ZNF692: variants seen among roughly 807,000 people sequenced by gnomAD.
The protein encoded by ZNF692 is zinc finger protein 692, also known as AICAR responsive element binding protein.
ZNF692 carries 41 observed loss-of-function variants against 49.0 expected under a neutral mutation model. That is an observed-to-expected ratio of 0.84 (90% confidence interval 0.65 to 1.08). ZNF692 has a LOEUF of 1.08. Ranked by LOEUF, ZNF692 falls within the 50% of genes least tolerant of loss-of-function variation. The pLI is 0.00. For missense variants in ZNF692, 662 were observed against 662.2 expected (o/e 1.00, Z 0.00); for synonymous variants, 288 against 251.5 (o/e 1.15, Z -1.37).
chr1:248,856,017 C>T, intron 6 of ZNF692, 71 bp from the exon 7 acceptor site: 1 of 1,483,050 alleles, frequency 6.7e-7, no homozygotes, highest in African/African-American at 1.4e-5. Flanking sequence ...CCGACCCTAG[C>T]CCCTAAACTG....
intron 4 of ZNF692, 57 bp from the exon 5 acceptor site, chr1:248,856,619 C>T (rs1179792847): frequency 2.6e-5 from 41 of 1,606,110 alleles, no homozygotes; most frequent in Non-Finnish European, 3.5e-5. Context: ...GATGAGGACA[C>T]ATAAAGTTCT....
Position 248,859,017 on chromosome 1 carries a change from C to A in ZNF692, c.-112G>T, listed in dbSNP as rs1660596424. 6.4e-6 allele frequency: 1 copy of A among 157,034 alleles called. No individual in the cohort carries two copies. Among genetic ancestry groups the A allele is most frequent in the African/African-American group, 2.4e-5 (1 of 41,552 alleles). 9.7% of individuals were successfully genotyped at this position (157,034 alleles called of 1,614,324 possible). ...GCTGCTGGAAGACAGGGGCCCACCT[C>A]GCGCGCGCAGCGTTTCTCTTTTAAG... is the stretch of plus-strand genomic sequence containing the variant. On this transcript the variant is annotated 5_prime_UTR_variant, in exon 1 of 12. Transcript: ENST00000306601.
chr1:248,853,009 C>G (rs1659778849), intron 10 of ZNF692, among the ~76,000 whole-genome samples: 2 of 152,222 alleles, frequency 1.3e-5, no homozygotes, highest in Admixed American at 6.5e-5. Flanking sequence ...AATCAAATTT[C>G]CCTTCCCAAG....
Position 248,858,401 on chromosome 1 carries a change from C to CA in ZNF692, c.-12-81dup, listed in dbSNP as rs1419999168. On this transcript the variant is annotated intron_variant, in intron 1 of 11. Transcript: ENST00000306601. The surrounding 1 kb of genome is among the most constrained non-coding windows in gnomAD (Gnocchi z 4.3). ...CCGGCTCCACCTGCCGTTAGGGCCT[C>CA]AGTTTCCTCATCAGTGAACTGGGGC... 21 of 1,544,630 alleles carry CA rather than the reference C, an allele frequency of 1.4e-5. No individual in the cohort carries two copies. The Admixed American group carries it at 4.1e-4, about 30-fold the overall frequency.
chr1:248,858,049 G>C lies in ZNF692; in HGVS notation c.179+82C>G, dbSNP rs763689222. ...AAGTGAGAAACCTGAGGGTGGAAAA[G>C]AGCAGCAGGACAGGCCCTGGAGAGG... On this transcript the variant is annotated intron_variant, in intron 2 of 11. Coordinates refer to ENST00000306601, the MANE Select transcript of ZNF692 (RefSeq NM_017865.4). The surrounding 1 kb of genome is among the most constrained non-coding windows in gnomAD (Gnocchi z 4.3). 6.4e-7 allele frequency: 1 copy of C among 1,550,468 alleles called. No individual in the cohort carries two copies. The highest frequency in any genetic ancestry group is 8.7e-7 in the Non-Finnish European group (1 of 1,153,912).
At position 248,856,528 on chromosome 1, in the gene ZNF692, C is replaced by T; in HGVS notation, c.510G>A (p.Glu170=). 1.2e-6 allele frequency: 2 copies of T among 1,614,150 alleles called. No individual in the cohort carries two copies. The highest frequency in any genetic ancestry group is 1.3e-5 in the African/African-American group (1 of 75,044). The change falls in exon 5 of 12, where the codon GAG becomes GAA. Residue 170 remains glutamate, a synonymous_variant. Coordinates refer to ENST00000306601, the MANE Select transcript of ZNF692 (RefSeq NM_017865.4). ...LESEHDERTQ[E]ARLPRRVGPP... is the part of the protein sequence containing the mutation. ...CACATCCTCACCTGGGCAACCTGGC[C>T]TCTTGAGTCCTCTCATCATGCTCAG...
At position 248,857,511 on chromosome 1, in the gene ZNF692, G is replaced by T. The variant is rs769205136; in HGVS notation, c.212-14C>A. The T allele has an allele frequency of 6.2e-7, 1 of 1,606,460 alleles. No individual in the cohort carries two copies. The highest frequency in any genetic ancestry group is 1.1e-5 in the South Asian group (1 of 90,434). ...AAGGCTCAGGACCTGGAGGGGTGGGGGAAGCAGTCAGGCTGAACTGGGAAG... is the reference window on the plus strand; with the variant it reads ...AAGGCTCAGGACCTGGAGGGGTGGGTGAAGCAGTCAGGCTGAACTGGGAAG... On this transcript the variant is annotated splice_polypyrimidine_tract_variant and intron_variant, in intron 3 of 11. Coordinates refer to ENST00000306601, the MANE Select transcript of ZNF692 (RefSeq NM_017865.4).
In ZNF692 at chr1:248,858,121, G is replaced by A; in HGVS notation, c.179+10C>T. The A allele has an allele frequency of 6.4e-7, 1 of 1,560,328 alleles. No individual in the cohort carries two copies. The highest frequency in any genetic ancestry group is 8.7e-7 in the Non-Finnish European group (1 of 1,155,950). On this transcript the variant is annotated intron_variant, in intron 2 of 11. Transcript: ENST00000306601. This position sits in a 1 kb window ranked among gnomAD's most constrained non-coding sequence, Gnocchi z 4.3. ...GTACCCTCCCCCAAGCCCTTCTCCC[G>A]GCCCCTAACCGGTCCAACAGGAACT...
chr1:248,854,783 C>T (rs1378039534), intron 9 of ZNF692, among the ~76,000 whole-genome samples: 1 of 152,144 alleles, frequency 6.6e-6, no homozygotes, highest in Admixed American at 6.5e-5. Context: ...CTGACATGCC[C>T]TGCCGAATGC....
chr1:248,850,251 A>C lies in ZNF692; in HGVS notation c.1519T>G (p.Ser507Ala). ...AGGGTTGGAGCCTGAGGAGATGCAG[A>C]GGGCCTGGACCCCTCGCTGGATCCC... is the stretch of plus-strand genomic sequence containing the variant. ...PLGSSEGSRP[S>A]ASPQAPTLLP... is the part of the protein sequence containing the mutation. Residue 507 changes from serine (S) to alanine (A), a missense_variant, in exon 12 of 12, where the codon TCT (serine) becomes GCT (alanine). Physicochemically the swap from Ser to Ala is moderately conservative, Grantham distance 99. Coordinates refer to ENST00000306601, the MANE Select transcript of ZNF692 (RefSeq NM_017865.4). The C allele has an allele frequency of 6.4e-7, 1 of 1,561,812 alleles. No individual in the cohort carries two copies. The highest frequency in any genetic ancestry group is 8.7e-7 in the Non-Finnish European group (1 of 1,153,172).
intron 6 of ZNF692, 132 bp downstream of exon 6, chr1:248,856,156 T>G: frequency 6.9e-7 from 1 of 1,446,494 alleles, no homozygotes; most frequent in Non-Finnish European, 9.2e-7. Context: ...CCTCTAGTTC[T>G]TTTTGCCTTC....
In ZNF692 at chr1:248,858,192, G is replaced by A. The variant is rs1048820490; in HGVS notation, c.118C>T (p.Leu40Phe). The A allele has an allele frequency of 6.3e-7, 1 of 1,586,554 alleles. No individual in the cohort carries two copies. Among genetic ancestry groups the A allele is most frequent in the African/African-American group, 1.3e-5 (1 of 74,688 alleles). ...RLGGHMEQWC[L>F]LKERLGFSLH... ...GAGAAGCCCAGCCGCTCCTTGAGGAGGCACCACTGCTCCATGTGGCCGCCC... is the reference window on the plus strand; with the variant it reads ...GAGAAGCCCAGCCGCTCCTTGAGGAAGCACCACTGCTCCATGTGGCCGCCC... Residue 40 changes from leucine (L) to phenylalanine (F), a missense_variant, in exon 2 of 12, where the codon CTC becomes TTC. Leu to Phe is a conservative substitution (Grantham distance 22). Coordinates refer to ENST00000306601, the MANE Select transcript of ZNF692 (RefSeq NM_017865.4). The surrounding 1 kb of genome is among the most constrained non-coding windows in gnomAD (Gnocchi z 4.3).
chr1:248,850,402 GCGCTTGC>G lies in ZNF692; in HGVS notation c.1361_1367del (p.Gly454AlafsTer21), dbSNP rs1012797188. 1 of 1,614,192 alleles carries G rather than the reference GCGCTTGC, an allele frequency of 6.2e-7. No individual in the cohort carries two copies. The highest frequency in any genetic ancestry group is 8.5e-7 in the Non-Finnish European group (1 of 1,180,030). On this transcript the variant is annotated frameshift_variant, in exon 12 of 12. Transcript: ENST00000306601. LOFTEE classifies it low-confidence loss of function (END_TRUNC). ...CTGCAACACTGTCTGGCTTCTCAAA[GCGCTTGC>G]CGCAGAATTCACAGGGGAAGCGCAA...
In ZNF692 at chr1:248,855,373, C is replaced by T. The variant is rs1660105385; in HGVS notation, c.1038+7G>A. On this transcript the variant is annotated splice_region_variant and intron_variant, in intron 9 of 11. Coordinates refer to ENST00000306601, the MANE Select transcript of ZNF692 (RefSeq NM_017865.4). ...CAGCCACACAGGCCCCAACCTGTGC[C>T]CCTCACATTCAAATACTGCCGGTTG... The T allele has an allele frequency of 1.2e-6, 2 of 1,614,070 alleles. No individual in the cohort carries two copies. Among genetic ancestry groups the T allele is most frequent in the Non-Finnish European group, 1.7e-6 (2 of 1,179,978 alleles).
chr1:248,855,498 T>C (rs750607415), intron 8 of ZNF692, 40 bp from the exon 9 acceptor site: 23 of 1,613,598 alleles, frequency 1.4e-5, no homozygotes, highest in Non-Finnish European at 1.9e-5. Flanking sequence ...GACTCCTGCC[T>C]GCCCTTCTCT....
chr1:248,853,548 G>A (rs1443136424), intron 10 of ZNF692, among the ~76,000 whole-genome samples: 1 of 152,148 alleles, frequency 6.6e-6, no homozygotes, highest in Non-Finnish European at 1.5e-5. Flanking sequence ...TAAGGTACAG[G>A]TTTCCATTCC....
rs745482737 is a variant in ZNF692, at chr1:248,857,241, C to G, written c.468G>C (p.Glu156Asp). The G allele has an allele frequency of 1.9e-6, 3 of 1,609,706 alleles. No homozygotes were observed. The highest frequency in any genetic ancestry group is 3.3e-5 in the Admixed American group (2 of 59,880). The stretch of plus-strand genomic sequence containing the variant: ...TGCTTTTTTCCAGCCTACCTGCAAG[C>G]TCCTGCCCACTCGTGGCCTCGGAAC... ...SWCSEATSGQELADLESEHDE... is the reference protein window; with the variant it reads ...SWCSEATSGQDLADLESEHDE... Residue 156 changes from glutamate to aspartate, a missense_variant, in exon 4 of 12, where the codon GAG becomes GAC. Glu to Asp is a conservative substitution (Grantham distance 45). Transcript: ENST00000306601.
In ZNF692 at chr1:248,857,341, C is replaced by A; in HGVS notation, c.368G>T (p.Gly123Val). The change falls in exon 4 of 12, where the codon GGA (glycine) becomes GTA (valine). Residue 123 changes from glycine to valine, a missense_variant. Physicochemically the swap from Gly to Val is moderately radical, Grantham distance 109. Coordinates refer to ENST00000306601, the MANE Select transcript of ZNF692 (RefSeq NM_017865.4). ...ECSAGHTFSW[G>V]PSLSPTPSEA... ...TGAAGGTGTAGGGCTCAAAGAGGGT[C>A]CCCAGGAGAAGGTATGGCCTGCTGA... 6.2e-7 allele frequency: 1 copy of A among 1,614,138 alleles called. No homozygotes were observed. The highest frequency in any genetic ancestry group is 8.5e-7 in the Non-Finnish European group (1 of 1,180,008).
chr1:248,854,335 A>G (rs919549274), intron 9 of ZNF692: 20 of 359,832 alleles, frequency 5.6e-5, no homozygotes, highest in Non-Finnish European at 9.0e-5. Flanking sequence ...TCACCCTGCA[A>G]TGTCCTGCAA....
Sources: allele counts gnomAD v4.1 joint callset (sites outside exome capture counted in the v4.1 genomes callset), GRCh38; gene constraint gnomAD v4.1.1; non-coding constraint Gnocchi (gnomAD v3.1); transcripts MANE v1.5; gene names NCBI Gene and HGNC (gene_info 2026-07-23, HGNC 2026-07-21).